The following HIVEP3 variants were observed in gnomAD, a reference collection of about 807,000 sequenced individuals.
HIVEP3 encodes the protein transcription factor HIVEP3.
A neutral mutation model predicts 152.8 loss-of-function variants in HIVEP3; 49 were observed. The ratio of observed to expected loss-of-function variants is 0.32; its 90% CI spans 0.26 to 0.41. HIVEP3 has a LOEUF of 0.41. Ranked by LOEUF, HIVEP3 falls within the 10% of genes least tolerant of loss-of-function variation. The pLI, the probability that HIVEP3 is intolerant of heterozygous loss-of-function variation, is 1.00. For synonymous variants in HIVEP3, 1,269 were observed against 1,289.0 expected, an observed-to-expected ratio of 0.98 and a Z score of 0.33; for missense variants, 2,790 against 3,103.3, an observed-to-expected ratio of 0.90 and a Z score of 2.40.
At chr1:41,575,797 A>C in intron 4 of HIVEP3, 108 bp from the exon 5 acceptor site, 3 of 1,222,176 alleles carry the variant, frequency 2.5e-6, no homozygotes, top group Non-Finnish European at 3.5e-6. Flanking sequence ...AAGTACACAT[A>C]TGCAATCTTC....
intron 1 of HIVEP3, among the ~76,000 whole-genome samples, chr1:41,734,912 T>C (rs1377932155): frequency 2.6e-5 from 4 of 152,178 alleles, no homozygotes; most frequent in African/African-American, 9.7e-5. Flanking sequence ...GGTTTTGCAG[T>C]GTTAAGAGAG....
At chr1:41,863,082 T>G (rs543466923) in intron 1 of HIVEP3, among the ~76,000 whole-genome samples, 123 of 152,338 alleles carry the variant, frequency 8.1e-4, no homozygotes, top group African/African-American at 2.9e-3. Context: ...AGAAGTTGAA[T>G]TTCACAGGCG....
At chr1:41,800,932 C>T (rs1408624832) in intron 1 of HIVEP3, among the ~76,000 whole-genome samples, 1 of 152,218 alleles carries the variant, frequency 6.6e-6, no homozygotes, top group Non-Finnish European at 1.5e-5. Context: ...TAAACTCCCT[C>T]CCTCCCTTTC....
chr1:41,853,874 CTGA>C (rs536805911), intron 1 of HIVEP3, among the ~76,000 whole-genome samples: 2 of 152,294 alleles, frequency 1.3e-5, no homozygotes, highest in Non-Finnish European at 2.9e-5. Context: ...CTCTAGGCTG[CTGA>C]TGCCAGCTAG....
chr1:42,007,796 C>T (rs115993956), intron 1 of HIVEP3, among the ~76,000 whole-genome samples: 1,755 of 143,436 alleles, frequency 0.012, 38 homozygotes, highest in African/African-American at 0.043. Context: ...AAATGGTTAT[C>T]GCAAAAGTAA....
At position 41,582,327 on chromosome 1, in the gene HIVEP3, G is replaced by A; in HGVS notation, c.2471C>T (p.Pro824Leu). Residue 824 changes from proline to leucine, a missense_variant, in exon 4 of 9, where the codon CCT (proline) becomes CTT (leucine). Physicochemically the swap from Pro to Leu is moderately conservative, Grantham distance 98 (BLOSUM62 -3). Transcript: ENST00000372583. This position sits in a 1 kb window ranked among gnomAD's most constrained non-coding sequence, Gnocchi z 4.7. ...QPSGLEGEDK[P>L]LAQFPSPPPA... ...TGGGGGTGATGGGAACTGGGCCAGA[G>A]GTTTGTCTTCCCCTTCCAAGCCACT... The A allele has an allele frequency of 6.2e-7, 1 of 1,614,168 alleles. No individual in the cohort carries two copies. Among genetic ancestry groups the A allele is most frequent in the Non-Finnish European group, 8.5e-7 (1 of 1,180,028 alleles).
chr1:41,569,671 T>G (rs903631102), intron 5 of HIVEP3, among the ~76,000 whole-genome samples: 2 of 152,146 alleles, frequency 1.3e-5, no homozygotes, highest in Non-Finnish European at 2.9e-5. Context: ...TTTTTAAAAC[T>G]AACACTATTC....
chr1:41,661,692 A>T (rs994474204), intron 2 of HIVEP3, among the ~76,000 whole-genome samples: 1 of 152,212 alleles, frequency 6.6e-6, no homozygotes, highest in Non-Finnish European at 1.5e-5. Context: ...AGGGCTGCCA[A>T]ACCCATTCAG....
chr1:42,023,688 A>T (rs1160054717), intron 1 of HIVEP3, among the ~76,000 whole-genome samples: 2 of 152,220 alleles, frequency 1.3e-5, no homozygotes, highest in South Asian at 2.1e-4. Flanking sequence ...GCTCTGTGAC[A>T]TGCCTGCTCC....
chr1:41,707,659 G>C, intron 1 of HIVEP3, among the ~76,000 whole-genome samples: 1 of 152,014 alleles, frequency 6.6e-6, no homozygotes, highest in Admixed American at 6.6e-5. Context: ...GTCACTAAGA[G>C]GGGGATCTTG....
chr1:41,699,938 C>T (rs1646336452), intron 2 of HIVEP3, among the ~76,000 whole-genome samples: 1 of 151,998 alleles, frequency 6.6e-6, no homozygotes, highest in African/African-American at 2.4e-5. Context: ...GGCCTCACTC[C>T]CATACTCCTC....
chr1:41,599,673 GT>G (rs1365167407), intron 3 of HIVEP3, among the ~76,000 whole-genome samples: 1 of 152,166 alleles, frequency 6.6e-6, no homozygotes, highest in East Asian at 1.9e-4. Context: ...GGATTTGGCA[GT>G]AACTTCTTAG....
chr1:41,648,504 G>A (rs1400174113), intron 2 of HIVEP3, among the ~76,000 whole-genome samples: 1 of 152,220 alleles, frequency 6.6e-6, no homozygotes, highest in African/African-American at 2.4e-5. Flanking sequence ...GGGGCCAGGG[G>A]AGGAGACACA....
intron 1 of HIVEP3, among the ~76,000 whole-genome samples, chr1:41,963,524 G>C (rs186652038): frequency 2.6e-5 from 4 of 151,124 alleles, no homozygotes; most frequent in Non-Finnish European, 5.9e-5. Context: ...GTTGTGGGGT[G>C]GGGGGAGCGG....
At position 41,582,389 on chromosome 1, in the gene HIVEP3, G is replaced by A. The variant is rs567246160; in HGVS notation, c.2409C>T (p.Thr803=). 8.1e-6 allele frequency: 13 copies of A among 1,614,184 alleles called. No homozygotes were observed. In the South Asian group the frequency reaches 1.4e-4, roughly 18 times the overall value. ...TSKEISVIQH[T]SSFEKSDSLE... ...GAGAATCAGATTTCTCAAAGGAGCTGGTGTGCTGGATGACAGAAATTTCTT... is the reference window on the plus strand; with the variant it reads ...GAGAATCAGATTTCTCAAAGGAGCTAGTGTGCTGGATGACAGAAATTTCTT... The change falls in exon 4 of 9, where the codon ACC becomes ACT. Residue 803 remains threonine, a synonymous_variant. Coordinates refer to ENST00000372583, the MANE Select transcript of HIVEP3 (RefSeq NM_024503.5). This position sits in a 1 kb window ranked among gnomAD's most constrained non-coding sequence, Gnocchi z 4.7.
At chr1:41,605,367 GCACACGCGCA>G (rs753269300) in intron 3 of HIVEP3, among the ~76,000 whole-genome samples, 13 of 111,780 alleles carry the variant, frequency 1.2e-4, no homozygotes, top group South Asian at 6.1e-4. Flanking sequence ...ATACACACAC[GCACACGCGCA>G]CACACACACA....
intron 1 of HIVEP3, among the ~76,000 whole-genome samples, chr1:42,014,099 T>G (rs1198829487): frequency 1.3e-5 from 2 of 152,132 alleles, no homozygotes; most frequent in Non-Finnish European, 2.9e-5. Flanking sequence ...AAAGGGGTTT[T>G]GTTTTGTTTT....
chr1:41,930,638 G>A (rs1644991859), intron 1 of HIVEP3, among the ~76,000 whole-genome samples: 2 of 152,092 alleles, frequency 1.3e-5, no homozygotes, highest in South Asian at 4.1e-4. Flanking sequence ...CAAGGAGTGG[G>A]ATTGCCGGGT....
chr1:41,618,842 T>A (rs1645006091), intron 3 of HIVEP3, among the ~76,000 whole-genome samples: 2 of 152,178 alleles, frequency 1.3e-5, no homozygotes, highest in African/African-American at 4.8e-5. Context: ...CAGAACTCTT[T>A]CTCTTATACC....
Sources: allele counts gnomAD v4.1 joint callset (sites outside exome capture counted in the v4.1 genomes callset), GRCh38; gene constraint gnomAD v4.1.1; non-coding constraint Gnocchi (gnomAD v3.1); transcripts MANE v1.5; gene names NCBI Gene and HGNC (gene_info 2026-07-23, HGNC 2026-07-21).